FAR2: variants seen among roughly 807,000 people sequenced by gnomAD.
FAR2 encodes epididymis secretory protein Li 81.
FAR2 carries 19 observed loss-of-function variants against 56.0 expected under a neutral mutation model. The observed-to-expected ratio is 0.34, with a 90% CI of 0.24 to 0.50. The LOEUF (loss-of-function observed/expected upper bound fraction) is 0.50, where lower values mean the gene tolerates loss of function less well. Ranked by LOEUF, FAR2 falls within the 20% of genes least tolerant of loss-of-function variation. FAR2 has a pLI of 0.98. For missense variants in FAR2, 508 were observed against 642.2 expected (o/e 0.79, Z 2.26); for synonymous variants, 219 against 218.8 (o/e 1.00, Z -0.01).
chr12:29,304,851 G>A (rs1230091984), intron 4 of FAR2, among the ~76,000 whole-genome samples: 1 of 152,124 alleles, frequency 6.6e-6, no homozygotes, highest in African/African-American at 2.4e-5. Context: ...GAGTATACTG[G>A]AGGACATTTA....
At chr12:29,323,773 TAG>T (rs1432781397) in intron 10 of FAR2, among the ~76,000 whole-genome samples, 1 of 151,762 alleles carries the variant, frequency 6.6e-6, no homozygotes, top group African/African-American at 2.4e-5. Flanking sequence ...AGACCAAAGG[TAG>T]ATAAAACCAC....
intron 1 of FAR2, among the ~76,000 whole-genome samples, chr12:29,219,556 T>A (rs1947661006): frequency 6.6e-6 from 1 of 152,120 alleles, no homozygotes; most frequent in South Asian, 2.1e-4. Context: ...ACCTAGGGAA[T>A]CTGCATCATG....
chr12:29,156,090 G>A (rs1468289112), intron 1 of FAR2, among the ~76,000 whole-genome samples: 1 of 152,144 alleles, frequency 6.6e-6, no homozygotes, highest in Non-Finnish European at 1.5e-5. Context: ...AAAGTGGTAG[G>A]GGTGCAGGGT....
At chr12:29,244,633 G>T (rs971292115) in intron 1 of FAR2, among the ~76,000 whole-genome samples, 29 of 152,136 alleles carry the variant, frequency 1.9e-4, no homozygotes, top group African/African-American at 5.8e-4. Flanking sequence ...AAACAGCATT[G>T]ATTGGACACT....
At chr12:29,307,889 G>A (rs777011471) in intron 5 of FAR2, 54 bp downstream of exon 5, 30 of 1,529,034 alleles carry the variant, frequency 2.0e-5, no homozygotes, top group Non-Finnish European at 2.6e-5. Flanking sequence ...GGTTCTTCTA[G>A]TCCAATTACT....
At chr12:29,211,167 T>C (rs1947542334) in intron 1 of FAR2, among the ~76,000 whole-genome samples, 2 of 152,072 alleles carry the variant, frequency 1.3e-5, no homozygotes, top group African/African-American at 4.8e-5. Flanking sequence ...GGCTCACACC[T>C]ATAATCCCAA....
chr12:29,318,956 T>G (rs958686902), intron 9 of FAR2, among the ~76,000 whole-genome samples: 4 of 151,754 alleles, frequency 2.6e-5, no homozygotes, highest in African/African-American at 9.7e-5. Context: ...CACAACAGTG[T>G]ATGAAGGGTA....
At chr12:29,228,050 G>A (rs1370096388) in intron 1 of FAR2, among the ~76,000 whole-genome samples, 1 of 151,408 alleles carries the variant, frequency 6.6e-6, no homozygotes, top group African/African-American at 2.4e-5. Flanking sequence ...GTTAATGGGT[G>A]CAGCACACCA....
intron 1 of FAR2, among the ~76,000 whole-genome samples, chr12:29,160,489 C>T (rs1949772901): frequency 6.6e-6 from 1 of 152,278 alleles, no homozygotes; most frequent in South Asian, 2.1e-4. Context: ...TATCAAAAGG[C>T]AAGTTACTTA....
intron 1 of FAR2, among the ~76,000 whole-genome samples, chr12:29,235,020 G>A (rs1443378891): frequency 1.3e-5 from 2 of 152,114 alleles, no homozygotes; most frequent in African/African-American, 2.4e-5. Context: ...CAACACTTAT[G>A]TATGTTTACT....
chr12:29,302,421 T>C (rs571661823), intron 4 of FAR2, among the ~76,000 whole-genome samples: 2 of 150,638 alleles, frequency 1.3e-5, no homozygotes, highest in African/African-American at 4.9e-5. Context: ...GTGGATAGAG[T>C]GTGGATAGGT....
rs141110433 is a variant in FAR2 at position 29,305,434 on chromosome 12, G to A, written c.546-2224G>A. ...ATTACAGGTTTGAGTCACCGCACTT[G>A]GCCAGAAATGACACTTTAAAACTAA... On this transcript the variant is annotated intron_variant, in intron 4 of 11. Transcript: ENST00000536681. 5.7e-3 allele frequency among the ~76,000 whole-genome samples: 862 copies of A among 152,210 alleles called. 4 individuals are homozygous for A. The highest frequency in any genetic ancestry group is 0.017 in the South Asian group (83 of 4,824).
intron 1 of FAR2, among the ~76,000 whole-genome samples, chr12:29,226,656 A>G (rs561333014): frequency 7.2e-5 from 11 of 152,214 alleles, no homozygotes; most frequent in African/African-American, 2.6e-4. Flanking sequence ...CCATCTTATC[A>G]GAGAGTTTAG....
At chr12:29,291,479 TTATTCATCTGC>T in intron 2 of FAR2, 1 of 455,934 alleles carries the variant, frequency 2.2e-6, no homozygotes. Flanking sequence ...TTGTATGCAG[TTATTCATCTGC>T]AATGGTCCGT....
chr12:29,157,132 ATATATATATATATG>A (rs1949736010), intron 1 of FAR2: 1 of 141,428 alleles, frequency 7.1e-6, no homozygotes, highest in African/African-American at 2.6e-5. Flanking sequence ...ATATATATAT[ATATATATATATATG>A]TATCAATGTG....
rs563552327 is a variant in FAR2 at position 29,213,452 on chromosome 12, G to A, written c.-38-56960G>A. On this transcript the variant is annotated intron_variant, in intron 1 of 11. Transcript: ENST00000536681. ...CGCCTGTCATTCCAGCACTTTGGGA[G>A]GCCAAGGCGGGTAGATCACCTGAGG... Among the ~76,000 whole-genome samples, 331 of 152,262 alleles carry A rather than the reference G, an allele frequency of 2.2e-3. 6 individuals are homozygous for A. Among genetic ancestry groups the A allele is most frequent in the Non-Finnish European group, 4.6e-4 (31 of 68,012 alleles).
intron 1 of FAR2, among the ~76,000 whole-genome samples, chr12:29,178,103 A>C (rs984666165): frequency 6.6e-6 from 1 of 152,140 alleles, no homozygotes; most frequent in African/African-American, 2.4e-5. Flanking sequence ...AATGATTTTC[A>C]TCTGGTGGTC....
chr12:29,299,058 A>G (rs1949115957), intron 4 of FAR2, among the ~76,000 whole-genome samples: 1 of 151,932 alleles, frequency 6.6e-6, no homozygotes, highest in African/African-American at 2.4e-5. Flanking sequence ...TACTAAATAC[A>G]AAAAATTAGC....
chr12:29,166,175 G>A (rs907358444), intron 1 of FAR2, among the ~76,000 whole-genome samples: 1 of 152,206 alleles, frequency 6.6e-6, no homozygotes, highest in African/African-American at 2.4e-5. Context: ...TAAAGTCTAA[G>A]ATGTAAATTA....
Sources: allele counts gnomAD v4.1 joint callset (sites outside exome capture counted in the v4.1 genomes callset), GRCh38; gene constraint gnomAD v4.1.1; transcripts MANE v1.5; gene names NCBI Gene and HGNC (gene_info 2026-07-23, HGNC 2026-07-21).